FRRS1: variants seen among roughly 807,000 people sequenced by gnomAD.
FRRS1 encodes ferric chelate reductase 1.
Under a neutral mutation model 70.7 loss-of-function variants are expected in FRRS1, and 51 were observed. That is an observed-to-expected ratio of 0.72 (90% CI 0.58 to 0.91). The LOEUF is 0.91. Among genes scored for constraint, FRRS1 ranks in the 40% least tolerant of loss-of-function variants. The pLI is 0.00. For synonymous variants in FRRS1, 225 were observed against 238.7 expected (o/e 0.94, Z 0.53); for missense variants, 672 against 726.0 (o/e 0.93, Z 0.86).
chr1:99,744,064 T>TAAAAAAAAA (rs112254806), intron 4 of FRRS1, among the ~76,000 whole-genome samples: 1 of 124,358 alleles, frequency 8.0e-6, no homozygotes, highest in African/African-American at 3.7e-5. Flanking sequence ...AGAACGATTG[T>TAAAAAAAAA]AAAAAAAAAA....
In FRRS1 at chr1:99,705,835, C is replaced by A. The variant is rs1654023288; in HGVS notation, c.*3193G>T. On this transcript the variant is annotated 3_prime_UTR_variant, in exon 17 of 17. Transcript: ENST00000646001. ...ATTTCTTTCTGAAAAGCACACACAT[C>A]TTTATTTCATATTGCATCACTTCTT... is the stretch of plus-strand genomic sequence containing the variant. 6.6e-6 allele frequency among the ~76,000 whole-genome samples: 1 copy of A among 152,168 alleles called. No homozygotes were observed. Among genetic ancestry groups the A allele is most frequent in the African/African-American group, 2.4e-5 (1 of 41,432 alleles).
At chr1:99,762,545 G>T (rs1657162399) in intron 1 of FRRS1, among the ~76,000 whole-genome samples, 1 of 149,254 alleles carries the variant, frequency 6.7e-6, no homozygotes, top group Non-Finnish European at 1.5e-5. Context: ...TAACCTCTAG[G>T]ATAGTATTTC....
intron 1 of FRRS1, among the ~76,000 whole-genome samples, chr1:99,759,804 G>A (rs1295933733): frequency 6.6e-6 from 1 of 152,172 alleles, no homozygotes; most frequent in Non-Finnish European, 1.5e-5. Flanking sequence ...ATAAGCAGCA[G>A]ATTTATCTTC....
At chr1:99,765,478 G>C (rs898466207) in intron 1 of FRRS1, 9 of 152,284 alleles carry the variant, frequency 5.9e-5, no homozygotes, top group African/African-American at 2.2e-4. Flanking sequence ...GTGCCTGCCT[G>C]TAATCCCAGC....
chr1:99,748,441 T>C (rs1571146211), intron 3 of FRRS1, 132 bp downstream of exon 3: 1 of 755,862 alleles, frequency 1.3e-6, no homozygotes, highest in Non-Finnish European at 2.2e-6. Flanking sequence ...GAACCAAAAA[T>C]AAGAAGTATG....
intron 7 of FRRS1, among the ~76,000 whole-genome samples, chr1:99,736,386 A>G (rs1291337752): frequency 6.6e-6 from 1 of 152,118 alleles, no homozygotes; most frequent in Non-Finnish European, 1.5e-5. Flanking sequence ...TTTGTATCTC[A>G]TAGACTTAAG....
At chr1:99,760,161 A>C (rs1251123797) in intron 1 of FRRS1, among the ~76,000 whole-genome samples, 21 of 152,368 alleles carry the variant, frequency 1.4e-4, no homozygotes, top group African/African-American at 5.1e-4. Context: ...GATGCCTGAA[A>C]ACAGCAAGTT....
At chr1:99,746,408 T>G (rs1490983262) in intron 4 of FRRS1, among the ~76,000 whole-genome samples, 1 of 152,118 alleles carries the variant, frequency 6.6e-6, no homozygotes, top group Non-Finnish European at 1.5e-5. Flanking sequence ...AACAATAAAT[T>G]CCTGCTGAAG....
At chr1:99,728,388 G>T in intron 9 of FRRS1, 105 bp downstream of exon 9, 1 of 951,238 alleles carries the variant, frequency 1.1e-6, no homozygotes, top group Admixed American at 2.3e-5. Flanking sequence ...AGGAAAGCGT[G>T]TGCCTTAAAA....
chr1:99,751,962 G>A (rs993816938), intron 1 of FRRS1, among the ~76,000 whole-genome samples: 5 of 152,076 alleles, frequency 3.3e-5, no homozygotes, highest in South Asian at 4.1e-4. Flanking sequence ...TTCTATATCA[G>A]CAAAATAAAT....
intron 9 of FRRS1, among the ~76,000 whole-genome samples, chr1:99,726,412 A>G (rs1460803947): frequency 6.6e-6 from 1 of 152,338 alleles, no homozygotes; most frequent in East Asian, 1.9e-4. Flanking sequence ...ATATTATAGA[A>G]AGGATACAAC....
chr1:99,739,533 G>A (rs72723753), intron 6 of FRRS1, among the ~76,000 whole-genome samples: 3,202 of 152,250 alleles, frequency 0.021, 61 homozygotes, highest in South Asian at 0.057. Flanking sequence ...GTGCCCATAT[G>A]CTATAAGACG....
At chr1:99,745,822 T>C (rs1656230136) in intron 4 of FRRS1, among the ~76,000 whole-genome samples, 1 of 152,194 alleles carries the variant, frequency 6.6e-6, no homozygotes, top group Non-Finnish European at 1.5e-5. Context: ...AGATTCCTCA[T>C]GGCTTGGTGC....
rs191781511 is a variant in FRRS1, at chr1:99,742,369, A to C, written c.334-96T>G. On this transcript the variant is annotated intron_variant, in intron 4 of 16. Transcript: ENST00000646001. ...TTGCGAAGTAATTTATCATTGCATG[A>C]CATTAGCATTCTGGTGAAGACTATT... The C allele has an allele frequency of 2.4e-5, 18 of 736,380 alleles. No homozygotes were observed. In the Admixed American group the frequency reaches 3.5e-4, roughly 14 times the overall value. The allele number at this position is 736,380 out of a possible 1,614,324, so 45.6% of individuals were successfully genotyped here.
intron 8 of FRRS1, 61 bp downstream of exon 8, chr1:99,729,589 G>T: frequency 9.6e-7 from 1 of 1,043,240 alleles, no homozygotes; most frequent in South Asian, 1.3e-5. Flanking sequence ...CCACGCCAGT[G>T]ATAGCCACAC....
Position 99,728,482 on chromosome 1 carries a change from A to G in FRRS1, c.1006+11T>C. ...AAGACACTTGAAAAGACAGCTTAAC[A>G]ATATACTTACCATCATTAGCTGCAC... On this transcript the variant is annotated intron_variant, in intron 9 of 16. Coordinates refer to ENST00000646001, the MANE Select transcript of FRRS1 (RefSeq NM_001361041.2). The G allele has an allele frequency of 6.3e-7, 1 of 1,598,758 alleles. No homozygotes were observed. Among genetic ancestry groups the G allele is most frequent in the Non-Finnish European group, 8.6e-7 (1 of 1,169,418 alleles).
Position 99,740,788 on chromosome 1 carries a change from CT to C in FRRS1, c.576+4del. ...CTCTACAGAGAAAATAAAATTGTTA[CT>C]TACTGGTTTGGTTAAGTGGGAAACG... On this transcript the variant is annotated splice_donor_region_variant and intron_variant, in intron 6 of 16. Coordinates refer to ENST00000646001, the MANE Select transcript of FRRS1 (RefSeq NM_001361041.2). 1.3e-6 allele frequency: 2 copies of C among 1,598,754 alleles called. No individual in the cohort carries two copies. The highest frequency in any genetic ancestry group is 2.2e-5 in the South Asian group (2 of 90,726).
At chr1:99,745,467 T>C (rs1344781864) in intron 4 of FRRS1, among the ~76,000 whole-genome samples, 2 of 152,114 alleles carry the variant, frequency 1.3e-5, no homozygotes, top group Non-Finnish European at 2.9e-5. Flanking sequence ...GAGGATCAGT[T>C]GAGGTCAGGA....
intron 9 of FRRS1, among the ~76,000 whole-genome samples, chr1:99,720,834 AACACACACACACACACACACACACACAC>A (rs57397996): frequency 7.3e-6 from 1 of 137,238 alleles, no homozygotes; most frequent in Non-Finnish European, 1.6e-5. Context: ...AGCATTTCCT[AACACACACACACACACACACACACACAC>A]ACACACACAC....
Sources: gnomAD v4.1 joint callset for allele counts (sites outside exome capture counted in the v4.1 genomes callset) on GRCh38, gnomAD v4.1.1 for gene constraint, MANE v1.5 for transcripts, NCBI Gene and HGNC (gene_info 2026-07-23, HGNC 2026-07-21) for gene names.